Variants in SRRM2 observed in about 807,000 individuals in gnomAD.
SRRM2 encodes the protein serine/arginine repetitive matrix protein 2.
A neutral mutation model predicts 213.8 loss-of-function variants in SRRM2; 30 were observed. The ratio of observed to expected loss-of-function variants is 0.14; its 90% CI spans 0.10 to 0.19. The LOEUF (loss-of-function observed/expected upper bound fraction) is 0.19, where lower values mean the gene tolerates loss of function less well. Ranked by LOEUF, SRRM2 falls within the 10% of genes least tolerant of loss-of-function variation. The pLI, the probability that SRRM2 is intolerant of heterozygous loss-of-function variation, is 1.00. For synonymous variants in SRRM2, 2,025 were observed against 1,377.7 expected, an observed-to-expected ratio of 1.47 and a Z score of -10.40; for missense variants, 4,904 against 3,647.0, an observed-to-expected ratio of 1.34 and a Z score of -8.88.
rs1008457769 is a variant in SRRM2 at position 2,770,387 on chromosome 16, G to A, written c.8057G>A (p.Arg2686Lys). ...RSPRKPIDSLRDSRSLSYSPV... is the reference protein window; with the variant it reads ...RSPRKPIDSLKDSRSLSYSPV... ...CCCCGGAAGCCAATAGACTCCCTCAGGGACTCTCGGTCCCTCAGCTACTCG... is the reference window on the plus strand; with the variant it reads ...CCCCGGAAGCCAATAGACTCCCTCAAGGACTCTCGGTCCCTCAGCTACTCG... The change falls in exon 13 of 15, where the codon AGG (arginine) becomes AAG (lysine). Residue 2686 changes from arginine to lysine, a missense_variant. Arg to Lys is a conservative substitution (Grantham distance 26). Coordinates refer to ENST00000301740, the MANE Select transcript of SRRM2 (RefSeq NM_016333.4). The A allele has an allele frequency of 6.2e-7, 1 of 1,608,834 alleles. No individual in the cohort carries two copies. The highest frequency in any genetic ancestry group is 8.5e-7 in the Non-Finnish European group (1 of 1,177,684).
chr16:2,768,858 T>C (rs1252370122), intron 11 of SRRM2, 139 bp from the exon 12 acceptor site: 1 of 1,525,608 alleles, frequency 6.6e-7, no homozygotes, highest in South Asian at 1.2e-5. Context: ...CTCCAGAGAA[T>C]TGCTGGCTCA....
intron 11 of SRRM2, chr16:2,768,731 C>G (rs764877811): frequency 1.1e-5 from 8 of 724,404 alleles, no homozygotes; most frequent in South Asian, 7.4e-5. Context: ...ACACCTGAGC[C>G]CAGAGGCCTT....
chr16:2,756,684 T>A, intron 2 of SRRM2, 78 bp downstream of exon 2: 1 of 1,518,302 alleles, frequency 6.6e-7, no homozygotes, highest in East Asian at 2.3e-5. Context: ...ATAGGGAGCT[T>A]AGGGTGGTTG....
chr16:2,755,403 G>C (rs1218403081), intron 1 of SRRM2, among the ~76,000 whole-genome samples: 3 of 152,076 alleles, frequency 2.0e-5, no homozygotes, highest in Non-Finnish European at 4.4e-5. Flanking sequence ...GGTGTAGAGA[G>C]GGTTTCTACA....
chr16:2,758,893 T>G lies in SRRM2; in HGVS notation c.594-92T>G, dbSNP rs2068241264. On this transcript the variant is annotated intron_variant, in intron 5 of 14. Transcript: ENST00000301740. ...CATTAGTGCTATTAGGACATTCAAG[T>G]GTTTTAGAAACCTTTTTAGGAGAGA... is the stretch of plus-strand genomic sequence containing the variant. 5.5e-5 allele frequency: 78 copies of G among 1,411,726 alleles called. 1 individual carries two copies. The South Asian group carries it at 9.1e-4, about 16-fold the overall frequency. 87.4% of individuals were successfully genotyped at this position (1,411,726 alleles called of 1,614,324 possible).
Position 2,767,411 on chromosome 16 carries a change from G to A in SRRM2, c.6883G>A (p.Val2295Met). ...ADPRTPTAPA[V>M]NLAGARTPAA... ...CCCTCGCACTCCCACAGCCCCAGCT[G>A]TGAACCTAGCAGGGGCCAGAACCCC... Residue 2295 changes from valine (V) to methionine (M), a missense_variant, in exon 11 of 15, where the codon GTG becomes ATG. Val to Met is a conservative substitution (Grantham distance 21). Transcript: ENST00000301740. 6.2e-7 allele frequency: 1 copy of A among 1,614,026 alleles called. No individual in the cohort carries two copies. Among genetic ancestry groups the A allele is most frequent in the Non-Finnish European group, 8.5e-7 (1 of 1,180,004 alleles).
At chr16:2,758,092 G>A (rs749947938) in intron 4 of SRRM2, 147 bp downstream of exon 4, 1 of 976,896 alleles carries the variant, frequency 1.0e-6, no homozygotes, top group Non-Finnish European at 1.5e-6. Flanking sequence ...ATGTGTCCAA[G>A]GGTTAGTCAC....
In SRRM2 at chr16:2,765,425, C is replaced by G; in HGVS notation, c.4897C>G (p.Pro1633Ala). ...EPKAPAPRALPRRSRSGSSSK... is the reference protein window; with the variant it reads ...EPKAPAPRALARRSRSGSSSK... ...TAAAGCTCCAGCCCCTCGGGCCCTT[C>G]CCAGACGAAGCAGATCAGGTTCATC... is the stretch of plus-strand genomic sequence containing the variant. Residue 1633 changes from proline (P) to alanine (A), a missense_variant, in exon 11 of 15, where the codon CCC becomes GCC. By Grantham distance (27) the Pro-to-Ala change is conservative. Transcript: ENST00000301740. The G allele has an allele frequency of 6.2e-7, 1 of 1,614,122 alleles. No individual in the cohort carries two copies. Among genetic ancestry groups the G allele is most frequent in the Non-Finnish European group, 8.5e-7 (1 of 1,180,026 alleles).
Position 2,765,971 on chromosome 16 carries a change from A to G in SRRM2, c.5443A>G (p.Arg1815Gly), listed in dbSNP as rs756034240. 4.3e-6 allele frequency: 7 copies of G among 1,613,968 alleles called. No homozygotes were observed. Among genetic ancestry groups the G allele is most frequent in the Non-Finnish European group, 5.9e-6 (7 of 1,180,018 alleles). Residue 1815 changes from arginine to glycine, a missense_variant, in exon 11 of 15, where the codon AGG becomes GGG. Physicochemically the swap from Arg to Gly is moderately radical, Grantham distance 125 (BLOSUM62 -2). Transcript: ENST00000301740. ...AAGGTCGCGGGTTACTCGGCGGCGGAGGGGAGGCTCTGGTTATCACTCAAG... is the reference window on the plus strand; with the variant it reads ...AAGGTCGCGGGTTACTCGGCGGCGGGGGGGAGGCTCTGGTTATCACTCAAG... The part of the protein sequence containing the change: ...RSRSRVTRRR[R>G]GGSGYHSRSP...
rs1212920884 is a variant in SRRM2, at chr16:2,757,782, G to T, written c.352G>T (p.Val118Phe). The change falls in exon 4 of 15, where the codon GTC becomes TTC. Residue 118 changes from valine to phenylalanine, a missense_variant and splice_region_variant. Val to Phe is a conservative substitution (Grantham distance 50). Transcript: ENST00000301740. Reference sequence around the variant, plus strand: ...GACTTTTGCCCTTCTTTTCTCTAGGGTCACGGAGACTCACCAGTTGGCAGA... The same window carrying T: ...GACTTTTGCCCTTCTTTTCTCTAGGTTCACGGAGACTCACCAGTTGGCAGA... The part of the protein sequence containing the change: ...KEETPGQRPA[V>F]TETHQLAELN... 1 of 1,613,812 alleles carries T rather than the reference G, an allele frequency of 6.2e-7. No individual in the cohort carries two copies. The highest frequency in any genetic ancestry group is 8.5e-7 in the Non-Finnish European group (1 of 1,179,918).
At position 2,767,113 on chromosome 16, in the gene SRRM2, T is replaced by G. The variant is rs754287969; in HGVS notation, c.6585T>G (p.Pro2195=). ...CTATCAGTCTTGGCACCGCTCGGCCTCCTCCGTCCATGTCTGCTGCTGGCC... is the reference window on the plus strand; with the variant it reads ...CTATCAGTCTTGGCACCGCTCGGCCGCCTCCGTCCATGTCTGCTGCTGGCC... ...LTAISLGTAR[P]PPSMSAAGLA... Residue 2195 remains proline (P), a synonymous_variant, in exon 11 of 15, where the codon CCT becomes CCG. Coordinates refer to ENST00000301740, the MANE Select transcript of SRRM2 (RefSeq NM_016333.4). 51 of 1,614,028 alleles carry G rather than the reference T, an allele frequency of 3.2e-5. No individual in the cohort carries two copies. The Middle Eastern group carries it at 6.6e-4, about 21-fold the overall frequency.
In SRRM2 at chr16:2,765,236, A is replaced by C. The variant is rs3094773; in HGVS notation, c.4708A>C (p.Arg1570=). The C allele has an allele frequency of 0.97, 1,561,350 of 1,614,134 alleles. 758,964 individuals are homozygous for C. Among genetic ancestry groups the C allele is most frequent in the Admixed American group, 0.99 (59,481 of 60,022 alleles). Residue 1570 remains arginine (R), a synonymous_variant, in exon 11 of 15, where the codon AGA becomes CGA. Coordinates refer to ENST00000301740, the MANE Select transcript of SRRM2 (RefSeq NM_016333.4). ...DSSPDSKAKT[R]TPLRQRSRSG... ...TTCTCCAGATTCTAAAGCCAAGACAAGAACCCCACTTCGGCAGAGGAGTCG... is the reference window on the plus strand; with the variant it reads ...TTCTCCAGATTCTAAAGCCAAGACACGAACCCCACTTCGGCAGAGGAGTCG...
intron 2 of SRRM2, 125 bp from the exon 3 acceptor site, chr16:2,757,347 G>A: frequency 2.8e-6 from 2 of 705,310 alleles, no homozygotes; most frequent in Non-Finnish European, 4.9e-6. Flanking sequence ...GGGACTTTTG[G>A]GTGAGCGAAA....
At position 2,770,370 on chromosome 16, in the gene SRRM2, G is replaced by A. The variant is rs749552756; in HGVS notation, c.8040G>A (p.Lys2680=). Residue 2680 remains lysine (K), a synonymous_variant, in exon 13 of 15, where the codon AAG becomes AAA. Transcript: ENST00000301740. ...PGERRSRSPR[K]PIDSLRDSRS... is the part of the protein sequence containing the mutation. ...TCCCCAGGTCCCGCAGCCCCCGGAA[G>A]CCAATAGACTCCCTCAGGGACTCTC... is the stretch of plus-strand genomic sequence containing the variant. 3 of 1,605,650 alleles carry A rather than the reference G, an allele frequency of 1.9e-6. No individual in the cohort carries two copies. Among genetic ancestry groups the A allele is most frequent in the East Asian group, 2.2e-5 (1 of 44,572 alleles).
In SRRM2 at chr16:2,758,544, G is replaced by A; in HGVS notation, c.590G>A (p.Gly197Glu). The change falls in exon 5 of 15, where the codon GGA becomes GAA. Residue 197 changes from glycine (G) to glutamate (E), a missense_variant. Coordinates refer to ENST00000301740, the MANE Select transcript of SRRM2 (RefSeq NM_016333.4). ...QKKKKKKKDRGRRSESSSPRR... is the reference protein window; with the variant it reads ...QKKKKKKKDRERRSESSSPRR... ...AAGAAGAAAAAGAAGAAAGATAGAGGACGGTAAGTTAGTTGGAAAGTGACT... is the reference window on the plus strand; with the variant it reads ...AAGAAGAAAAAGAAGAAAGATAGAGAACGGTAAGTTAGTTGGAAAGTGACT... The A allele has an allele frequency of 1.9e-6, 3 of 1,613,976 alleles. No homozygotes were observed. The highest frequency in any genetic ancestry group is 1.1e-5 in the South Asian group (1 of 91,070).
rs533526870 is a variant in SRRM2 at position 2,754,448 on chromosome 16, C to T, written c.-32+1602C>T. On this transcript the variant is annotated intron_variant, in intron 1 of 14. Transcript: ENST00000301740. ...TGCTGAGATTACAGGCAATCGCCGC[C>T]GCCCAGCTAATTTTTGTATTTTTGG... is the stretch of plus-strand genomic sequence containing the variant. Among the ~76,000 whole-genome samples the T allele has an allele frequency of 3.7e-4, 56 of 152,264 alleles. No homozygotes were observed. In the Middle Eastern group the frequency reaches 0.014, roughly 37 times the overall value.
At position 2,764,726 on chromosome 16, in the gene SRRM2, C is replaced by A; in HGVS notation, c.4198C>A (p.Gln1400Lys). ...AVEKAGMSSN[Q>K]SISSPVLDAV... ...GGAAAAGGCAGGGATGTCTTCAAAT[C>A]AGAGCATCTCTTCACCTGTGCTTGA... Residue 1400 changes from glutamine (Q) to lysine (K), a missense_variant, in exon 11 of 15, where the codon CAG becomes AAG. Physicochemically the swap from Gln to Lys is moderately conservative, Grantham distance 53. Transcript: ENST00000301740. 1 of 1,614,152 alleles carries A rather than the reference C, an allele frequency of 6.2e-7. No homozygotes were observed. Among genetic ancestry groups the A allele is most frequent in the Non-Finnish European group, 8.5e-7 (1 of 1,180,026 alleles).
In SRRM2 at chr16:2,757,770, CT is replaced by C; in HGVS notation, c.351-7del. 6.2e-7 allele frequency: 1 copy of C among 1,612,388 alleles called. No individual in the cohort carries two copies. Among genetic ancestry groups the C allele is most frequent in the Non-Finnish European group, 8.5e-7 (1 of 1,179,106 alleles). ...ATATTTCCTTCAGACTTTTGCCCTT[CT>C]TTTCTCTAGGGTCACGGAGACTCAC... is the stretch of plus-strand genomic sequence containing the variant. On this transcript the variant is annotated splice_polypyrimidine_tract_variant and intron_variant, in intron 3 of 14. Transcript: ENST00000301740.
Position 2,759,608 on chromosome 16 carries a change from C to G in SRRM2, c.780C>G (p.Ala260=). Residue 260 remains alanine (A), a synonymous_variant, in exon 9 of 15, where the codon GCC becomes GCG. Coordinates refer to ENST00000301740, the MANE Select transcript of SRRM2 (RefSeq NM_016333.4). ...CACCAGCCCCCAAGAGCCGCCGGGC[C>G]CACCGTTCAACTTCTGCTGACTCTG... ...STTPAPKSRR[A]HRSTSADSAS... The G allele has an allele frequency of 6.2e-7, 1 of 1,614,070 alleles. No individual in the cohort carries two copies.
Sources: allele counts gnomAD v4.1 joint callset (sites outside exome capture counted in the v4.1 genomes callset), GRCh38; gene constraint gnomAD v4.1.1; transcripts MANE v1.5; gene names NCBI Gene and HGNC (gene_info 2026-07-23, HGNC 2026-07-21).